Variants in NUDT13 observed in about 807,000 individuals in gnomAD.
The protein encoded by NUDT13 is nudix hydrolase 13, also known as NAD(P)H pyrophosphatase NUDT13, mitochondrial.
NUDT13 carries 40 observed loss-of-function variants against 41.7 expected under a neutral mutation model. The ratio of observed to expected loss-of-function variants is 0.96; its 90% confidence interval spans 0.75 to 1.25. The LOEUF is 1.25. NUDT13 is among the 50% of genes most tolerant of loss of function. The pLI is 0.00. For missense variants in NUDT13, 390 were observed against 416.1 expected (o/e 0.94, Z 0.55); for synonymous variants, 145 against 155.5 (o/e 0.93, Z 0.50).
At chr10:73,128,201 G>A (rs984672450) in intron 8 of NUDT13, among the ~76,000 whole-genome samples, 2 of 152,130 alleles carry the variant, frequency 1.3e-5, no homozygotes, top group Admixed American at 1.3e-4. Context: ...CAGTGAACAT[G>A]GGAGTGCAGA....
Position 73,119,879 on chromosome 10 carries a change from TGGAGCAAA to T in NUDT13, c.84-138_84-131del. 5 of 908,074 alleles carry T rather than the reference TGGAGCAAA, an allele frequency of 5.5e-6. No individual in the cohort carries two copies. In the Admixed American group the frequency reaches 6.9e-5, roughly 13 times the overall value. 56.3% of individuals were successfully genotyped at this position (908,074 alleles called of 1,614,324 possible). A position where few individuals can be genotyped will look rare whatever the true frequency, so the allele number is the denominator to read the frequency against. On this transcript the variant is annotated intron_variant, in intron 2 of 8. Coordinates refer to ENST00000357321, the MANE Select transcript of NUDT13 (RefSeq NM_015901.6). ...ATCTATAGCCACCTCAAACCCTTTTTGGAGCAAATTAGGTTGTAAATAAATAAAGGGAA... is the reference window on the plus strand; with the variant it reads ...ATCTATAGCCACCTCAAACCCTTTTTTTAGGTTGTAAATAAATAAAGGGAA...
chr10:73,126,466 C>T (rs1400654747), intron 7 of NUDT13, among the ~76,000 whole-genome samples: 1 of 152,166 alleles, frequency 6.6e-6, no homozygotes, highest in East Asian at 1.9e-4. Context: ...GTCACACTTA[C>T]TTTAGACCTA....
chr10:73,126,980 A>C (rs1842803966), intron 8 of NUDT13, among the ~76,000 whole-genome samples, 153 bp downstream of exon 8: 1 of 152,242 alleles, frequency 6.6e-6, no homozygotes, highest in African/African-American at 2.4e-5. Flanking sequence ...ACGGTGGCTC[A>C]TGCCTGTAAT....
At chr10:73,114,612 C>CATAT (rs375808108) in intron 2 of NUDT13, among the ~76,000 whole-genome samples, 164 bp downstream of exon 2, 8 of 146,342 alleles carry the variant, frequency 5.5e-5, no homozygotes, top group African/African-American at 1.0e-4. Context: ...TATATATATT[C>CATAT]ATATATATAT....
Position 73,125,574 on chromosome 10 carries a change from T to C in NUDT13, c.703+65T>C. The C allele has an allele frequency of 4.6e-6, 5 of 1,096,146 alleles. No individual in the cohort carries two copies. In the South Asian group the frequency reaches 7.1e-5, roughly 16 times the overall value. The allele number at this position is 1,096,146 out of a possible 1,614,324, so 67.9% of individuals were successfully genotyped here. Reference sequence around the variant, plus strand: ...ATACAATCTTACTAATACAATCTTCTCTGTCTTGTTGCTATAGAGCTTGAA... The same window carrying C: ...ATACAATCTTACTAATACAATCTTCCCTGTCTTGTTGCTATAGAGCTTGAA... On this transcript the variant is annotated intron_variant, in intron 7 of 8. Transcript: ENST00000357321.
intron 2 of NUDT13, among the ~76,000 whole-genome samples, chr10:73,117,067 T>C (rs1473388956): frequency 6.6e-6 from 1 of 150,630 alleles, no homozygotes; most frequent in African/African-American, 2.4e-5. Context: ...GTATTTTTAG[T>C]TGATATGGGG....
At chr10:73,126,947 T>A in intron 8 of NUDT13, 120 bp downstream of exon 8, 1 of 899,774 alleles carries the variant, frequency 1.1e-6, no homozygotes, top group Non-Finnish European at 1.7e-6. Flanking sequence ...TAAACATGTG[T>A]AAAATATGAT....
intron 2 of NUDT13, among the ~76,000 whole-genome samples, chr10:73,116,334 T>G (rs993100442): frequency 6.6e-6 from 1 of 152,064 alleles, no homozygotes; most frequent in African/African-American, 2.4e-5. Flanking sequence ...AGTAGTAATC[T>G]TGGACTGAAA....
At chr10:73,118,414 CA>C (rs2133209548) in intron 2 of NUDT13, among the ~76,000 whole-genome samples, 1 of 152,260 alleles carries the variant, frequency 6.6e-6, no homozygotes, top group South Asian at 2.1e-4. Flanking sequence ...GAAATATCTG[CA>C]AACTATTTTT....
chr10:73,126,859 T>A (rs1842799434), intron 8 of NUDT13, 32 bp downstream of exon 8: 2 of 1,595,172 alleles, frequency 1.3e-6, no homozygotes, highest in African/African-American at 2.7e-5. Flanking sequence ...TACTGTGATA[T>A]TTCTTTTGCT....
Position 73,124,250 on chromosome 10 carries a change from AG to A in NUDT13, c.399del (p.Ser134LeufsTer5), listed in dbSNP as rs762512519. The A allele has an allele frequency of 5.6e-6, 9 of 1,613,172 alleles. No individual in the cohort carries two copies. In the Admixed American group the frequency reaches 1.3e-4, roughly 24 times the overall value. On this transcript the variant is annotated frameshift_variant, in exon 5 of 9. Transcript: ENST00000357321. LOFTEE classifies it high-confidence loss of function. The stretch of plus-strand genomic sequence containing the variant: ...AAACCTGAAATGGAGACAGAGCTCA[AG>A]GGGTCTTTCATTGAGCTGAGAAAGG... ...LHKPEMETEL[K>X]GSFIELRKAL...
chr10:73,123,724 G>A lies in NUDT13; in HGVS notation c.359-490G>A, dbSNP rs147257258. The stretch of plus-strand genomic sequence containing the variant: ...CACCCAGGCTGGAGTGCAATGGTGC[G>A]ATCGGTTCACTGCAACCTCTGCCTC... On this transcript the variant is annotated intron_variant, in intron 4 of 8. Coordinates refer to ENST00000357321, the MANE Select transcript of NUDT13 (RefSeq NM_015901.6). Among the ~76,000 whole-genome samples the A allele has an allele frequency of 4.1e-3, 618 of 152,024 alleles. 34 individuals carry two copies. The East Asian group carries it at 0.11, about 26-fold the overall frequency.
chr10:73,126,145 T>C, intron 7 of NUDT13: 1 of 276,932 alleles, frequency 3.6e-6, no homozygotes, highest in Non-Finnish European at 7.2e-6. Flanking sequence ...GACCCCAGAT[T>C]CCTGTTGGGT....
chr10:73,128,701 T>G (rs184571679), intron 8 of NUDT13, among the ~76,000 whole-genome samples: 381 of 152,360 alleles, frequency 2.5e-3, no homozygotes, highest in African/African-American at 8.7e-3. Flanking sequence ...CTCTTCACTC[T>G]GTTGATTGAT....
At chr10:73,121,305 T>TC (rs1360674914) in intron 3 of NUDT13, among the ~76,000 whole-genome samples, 1 of 152,188 alleles carries the variant, frequency 6.6e-6, no homozygotes, top group Non-Finnish European at 1.5e-5. Flanking sequence ...TATACTAACT[T>TC]CCGTATTGCC....
Position 73,120,136 on chromosome 10 carries a change from G to A in NUDT13, c.202G>A (p.Ala68Thr). The A allele has an allele frequency of 1.2e-6, 2 of 1,614,066 alleles. No homozygotes were observed. ...LLQTSAHQYL[A>T]PRHSLLELER... ...TCAGACTTCAGCACATCAATACCTGGCCCCCCGGCACAGCCTGTTAGGTAA... is the reference window on the plus strand; with the variant it reads ...TCAGACTTCAGCACATCAATACCTGACCCCCCGGCACAGCCTGTTAGGTAA... The change falls in exon 3 of 9, where the codon GCC becomes ACC. Residue 68 changes from alanine to threonine, a missense_variant. Ala to Thr is a moderately conservative substitution (Grantham distance 58, BLOSUM62 0). Transcript: ENST00000357321.
chr10:73,118,589 A>T (rs1842569749), intron 2 of NUDT13, among the ~76,000 whole-genome samples: 1 of 152,178 alleles, frequency 6.6e-6, no homozygotes, highest in South Asian at 2.1e-4. Flanking sequence ...AAGGTACTGG[A>T]AAAGCCTGGT....
chr10:73,120,474 T>C (rs113487701), intron 3 of NUDT13, among the ~76,000 whole-genome samples: 3 of 152,356 alleles, frequency 2.0e-5, no homozygotes, highest in African/African-American at 4.8e-5. Flanking sequence ...TACTCATTCA[T>C]TGACATATTG....
At chr10:73,112,951 G>A (rs944064121) in intron 1 of NUDT13, among the ~76,000 whole-genome samples, 2 of 151,866 alleles carry the variant, frequency 1.3e-5, no homozygotes, top group African/African-American at 2.4e-5. Flanking sequence ...GCAATGGCAC[G>A]ATCTCTGCTC....
Sources: allele counts gnomAD v4.1 joint callset (sites outside exome capture counted in the v4.1 genomes callset), GRCh38; gene constraint gnomAD v4.1.1; transcripts MANE v1.5; gene names NCBI Gene and HGNC (gene_info 2026-07-23, HGNC 2026-07-21).